Variants in ACTR3C observed in about 807,000 individuals in gnomAD.
ACTR3C encodes actin-related protein 3C.
In ACTR3C, 18 loss-of-function variants were observed where a neutral mutation model predicts 26.3. The observed-to-expected ratio is 0.68, with a 90% CI of 0.47 to 1.01. ACTR3C has a LOEUF of 1.01. ACTR3C is among the 50% of genes least tolerant of loss of function. The pLI is 0.00. For missense variants in ACTR3C, 184 were observed against 250.7 expected (o/e 0.73, Z 1.80); for synonymous variants, 55 against 94.5 (o/e 0.58, Z 2.42).
At chr7:150,049,312 C>T in the ACTR3C span, among the ~76,000 whole-genome samples, 3 of 152,134 alleles carry the variant, frequency 2.0e-5, no homozygotes, top group African/African-American at 7.2e-5. Context: ...CCACGTCCTC[C>T]TTGCGCGCCC....
chr7:149,913,071 G>A, the ACTR3C span, among the ~76,000 whole-genome samples: 1 of 151,934 alleles, frequency 6.6e-6, no homozygotes, highest in Admixed American at 6.6e-5. Flanking sequence ...CACCAACATA[G>A]GCTCATCCAT....
the ACTR3C span, among the ~76,000 whole-genome samples, chr7:150,155,132 A>G: frequency 6.6e-6 from 1 of 152,182 alleles, no homozygotes; most frequent in Non-Finnish European, 1.5e-5. Context: ...TTCTGAGTAG[A>G]GGAAAAGATG....
chr7:149,976,206 C>T, the ACTR3C span, among the ~76,000 whole-genome samples: 5 of 152,076 alleles, frequency 3.3e-5, no homozygotes, highest in Non-Finnish European at 7.3e-5. Context: ...GTATAGATGA[C>T]CATTTTCTAC....
chr7:150,158,219 G>T, the ACTR3C span, among the ~76,000 whole-genome samples: 4 of 152,008 alleles, frequency 2.6e-5, no homozygotes, highest in African/African-American at 4.8e-5. Context: ...TGAAGAAAAG[G>T]GAAAAACTGC....
At chr7:150,070,439 G>A in the ACTR3C span, among the ~76,000 whole-genome samples, 2 of 152,142 alleles carry the variant, frequency 1.3e-5, no homozygotes, top group African/African-American at 2.4e-5. Flanking sequence ...AATAGCCAGG[G>A]GCCAAAATTG....
At chr7:150,319,725 T>C (rs1012452378) in intron 1 of ACTR3C, among the ~76,000 whole-genome samples, 6 of 152,182 alleles carry the variant, frequency 3.9e-5, no homozygotes, top group African/African-American at 1.2e-4. Flanking sequence ...AAAACACTGT[T>C]GGGGCTAACC....
At chr7:150,240,971 C>G (rs896638760), downstream of ACTR3C, among the ~76,000 whole-genome samples, 4 of 152,006 alleles carry the variant, frequency 2.6e-5, no homozygotes, top group African/African-American at 9.7e-5. Context: ...TAGCATAAAA[C>G]TATTAGTAAT....
chr7:150,235,793 A>G, the ACTR3C span, among the ~76,000 whole-genome samples: 34,011 of 150,772 alleles, frequency 0.23, 6,273 homozygotes, highest in African/African-American at 0.51. Flanking sequence ...TTGGGTTTCT[A>G]CTAACTTGCT....
At chr7:150,005,624 A>G in the ACTR3C span, among the ~76,000 whole-genome samples, 2 of 151,982 alleles carry the variant, frequency 1.3e-5, no homozygotes, top group Non-Finnish European at 2.9e-5. Context: ...GGGGAAGAGG[A>G]GGTGAGGAAG....
At chr7:150,168,728 G>A in the ACTR3C span, among the ~76,000 whole-genome samples, 2 of 150,540 alleles carry the variant, frequency 1.3e-5, no homozygotes, top group Non-Finnish European at 2.9e-5. Flanking sequence ...CGTAGCCAAG[G>A]GCCTCAGTGG....
the ACTR3C span, among the ~76,000 whole-genome samples, chr7:149,882,634 C>T: frequency 1.3e-5 from 2 of 152,182 alleles, no homozygotes; most frequent in Admixed American, 6.5e-5. Context: ...CCTCCAGGCC[C>T]GAGGTGGGAA....
the ACTR3C span, among the ~76,000 whole-genome samples, chr7:150,035,958 C>G: frequency 0.03 from 1,933 of 63,874 alleles, 171 homozygotes; most frequent in East Asian, 0.045. Context: ...AGAGCCAGGG[C>G]GGGAAGAGGG....
the ACTR3C span, among the ~76,000 whole-genome samples, chr7:149,934,594 G>C: frequency 4.6e-4 from 70 of 152,020 alleles, no homozygotes; most frequent in Non-Finnish European, 9.3e-4. Flanking sequence ...GGATTAGTTT[G>C]GTTCCCATTC....
At chr7:150,132,889 A>G in the ACTR3C span, among the ~76,000 whole-genome samples, 3 of 152,222 alleles carry the variant, frequency 2.0e-5, no homozygotes, top group Non-Finnish European at 4.4e-5. Flanking sequence ...AAAATGTGGT[A>G]CATATACACC....
intron 1 of ACTR3C, among the ~76,000 whole-genome samples, chr7:150,305,382 A>C (rs1212020320): frequency 2.0e-5 from 3 of 151,980 alleles, no homozygotes; most frequent in African/African-American, 7.3e-5. Context: ...GGTCATCTTC[A>C]AGACTCTGTG....
chr7:150,035,462 T>TCC, the ACTR3C span, among the ~76,000 whole-genome samples: 1 of 20,966 alleles, frequency 4.8e-5, no homozygotes, highest in African/African-American at 1.9e-4. Flanking sequence ...GCCTCCCCCG[T>TCC]TGCGATGGGG....
chr7:150,118,419 C>T, the ACTR3C span, among the ~76,000 whole-genome samples: 4 of 151,480 alleles, frequency 2.6e-5, no homozygotes, highest in Admixed American at 6.6e-5. Flanking sequence ...AAACACAGCA[C>T]GAGAACTTTG....
chr7:149,909,212 A>G, the ACTR3C span, among the ~76,000 whole-genome samples: 1 of 151,432 alleles, frequency 6.6e-6, no homozygotes, highest in Non-Finnish European at 1.5e-5. Flanking sequence ...CTTAAACAAA[A>G]ACAGAATACT....
intron 6 of ACTR3C, among the ~76,000 whole-genome samples, chr7:150,284,124 T>C (rs759837249): frequency 6.6e-6 from 1 of 152,106 alleles, no homozygotes; most frequent in Admixed American, 6.5e-5. Context: ...ACGAAACCAA[T>C]GGAATTCACG....
Sources: allele counts gnomAD v4.1 joint callset (sites outside exome capture counted in the v4.1 genomes callset), GRCh38; gene constraint gnomAD v4.1.1; transcripts MANE v1.5; gene names NCBI Gene and HGNC (gene_info 2026-07-23, HGNC 2026-07-21).